Variants in CYBRD1 observed in about 807,000 individuals in gnomAD.
CYBRD1 encodes the protein cytochrome b reductase 1, also known as plasma membrane ascorbate-dependent reductase CYBRD1.
In CYBRD1, 14 loss-of-function variants were observed where a neutral mutation model predicts 21.9. The ratio of observed to expected loss-of-function variants is 0.64; its 90% CI spans 0.42 to 1.00. The LOEUF (loss-of-function observed/expected upper bound fraction) is 1.00. CYBRD1 is among the 50% of genes least tolerant of loss of function. The pLI, the probability that CYBRD1 is intolerant of heterozygous loss-of-function variation, is 0.00. For synonymous variants in CYBRD1, 146 were observed against 136.5 expected (o/e 1.07, Z -0.48); for missense variants, 328 against 352.5 (o/e 0.93, Z 0.56).
At chr2:171,523,536 G>C (rs1697342356) in intron 1 of CYBRD1, among the ~76,000 whole-genome samples, 1 of 152,228 alleles carries the variant, frequency 6.6e-6, no homozygotes, top group South Asian at 2.1e-4. Flanking sequence ...CAGCACTCCG[G>C]GTGGGAGATG....
chr2:171,554,798 G>T lies in CYBRD1; in HGVS notation c.832G>T (p.Asp278Tyr). ...AGCAAGGAAAAGAAACTTAGCTCTG[G>T]ATGAGGCTGGGCAGAGATCTACCAT... ...VAARKRNLAL[D>Y]EAGQRSTM Residue 278 changes from aspartate to tyrosine, a missense_variant, in exon 4 of 4, where the codon GAT (aspartate) becomes TAT (tyrosine). Physicochemically the swap from Asp to Tyr is radical, Grantham distance 160 (BLOSUM62 -3). Coordinates refer to ENST00000321348, the MANE Select transcript of CYBRD1 (RefSeq NM_024843.4). The T allele has an allele frequency of 6.2e-7, 1 of 1,613,288 alleles. No individual in the cohort carries two copies. The highest frequency in any genetic ancestry group is 8.5e-7 in the Non-Finnish European group (1 of 1,179,852).
In CYBRD1 at chr2:171,554,898, G is replaced by GC; in HGVS notation, c.*73dup. ...CTCTACAGTTTTGCTTCTCCTATTA[G>GC]CCATATGATAATTGGGCTATGTAGT... On this transcript the variant is annotated 3_prime_UTR_variant, in exon 4 of 4. Coordinates refer to ENST00000321348, the MANE Select transcript of CYBRD1 (RefSeq NM_024843.4). 2 of 1,495,372 alleles carry GC rather than the reference G, an allele frequency of 1.3e-6. No homozygotes were observed. Among genetic ancestry groups the GC allele is most frequent in the Non-Finnish European group, 1.9e-6 (2 of 1,080,166 alleles). The allele number at this position is 1,495,372 out of a possible 1,614,324, so 92.6% of individuals were successfully genotyped here.
chr2:171,523,038 C>A, intron 1 of CYBRD1: 1 of 427,090 alleles, frequency 2.3e-6, no homozygotes. Flanking sequence ...TAACTCTTTG[C>A]GGCGACTGGC....
chr2:171,538,080 C>G (rs1335608561), intron 1 of CYBRD1, among the ~76,000 whole-genome samples: 1 of 152,178 alleles, frequency 6.6e-6, no homozygotes, highest in East Asian at 1.9e-4. Flanking sequence ...AGTTCAAGAT[C>G]AGCCTGGTCA....
intron 1 of CYBRD1, among the ~76,000 whole-genome samples, chr2:171,528,334 C>T (rs535877597): frequency 6.6e-6 from 1 of 152,308 alleles, no homozygotes; most frequent in East Asian, 1.9e-4. Flanking sequence ...ATCTACCCGC[C>T]TCAGCCTCCC....
intron 1 of CYBRD1, among the ~76,000 whole-genome samples, chr2:171,532,617 C>T (rs953104966): frequency 7.3e-5 from 11 of 151,506 alleles, no homozygotes; most frequent in African/African-American, 2.2e-4. Flanking sequence ...CTGAACATCA[C>T]GGCAAAACCC....
Position 171,541,781 on chromosome 2 carries a change from C to T in CYBRD1, c.390C>T (p.Cys130=). The part of the protein sequence containing the change: ...HSWVGLIAVI[C]YLLQLLSGFS... ...GGGTTGGACTGATAGCTGTCATATG[C>T]TATTTGTTACAGGTCAGTATTTCAG... The change falls in exon 2 of 4, where the codon TGC becomes TGT. Residue 130 remains cysteine (C), a synonymous_variant. Transcript: ENST00000321348. 1.9e-6 allele frequency: 3 copies of T among 1,611,928 alleles called. No individual in the cohort carries two copies. The highest frequency in any genetic ancestry group is 1.1e-5 in the South Asian group (1 of 91,028).
rs1683500283 is a variant in CYBRD1, at chr2:171,557,097, T to A, written c.*2270T>A. On this transcript the variant is annotated 3_prime_UTR_variant, in exon 4 of 4. Transcript: ENST00000321348. ...GCTAATGTGAGGATAATCTTACAGATATTATAGGAATTTCTTTTCTATCTT... is the reference window on the plus strand; with the variant it reads ...GCTAATGTGAGGATAATCTTACAGAAATTATAGGAATTTCTTTTCTATCTT... The A allele has an allele frequency of 1.3e-5, 2 of 152,630 alleles. No individual in the cohort carries two copies. Among genetic ancestry groups the A allele is most frequent in the South Asian group, 4.1e-4 (2 of 4,836 alleles). 9.5% of individuals were successfully genotyped at this position (152,630 alleles called of 1,614,324 possible). A position where few individuals can be genotyped will look rare whatever the true frequency, so the allele number is the denominator to read the frequency against.
intron 1 of CYBRD1, among the ~76,000 whole-genome samples, chr2:171,524,914 T>G (rs1453403883): frequency 6.6e-6 from 1 of 152,244 alleles, no homozygotes; most frequent in Admixed American, 6.5e-5. Context: ...AATTTTCATC[T>G]GCTGCTCTTA....
At position 171,541,673 on chromosome 2, in the gene CYBRD1, C is replaced by T; in HGVS notation, c.282C>T (p.Ala94=). 6.2e-7 allele frequency: 1 copy of T among 1,613,764 alleles called. No individual in the cohort carries two copies. Among genetic ancestry groups the T allele is most frequent in the South Asian group, 1.1e-5 (1 of 91,054 alleles). Residue 94 remains alanine, a synonymous_variant, in exon 2 of 4, where the codon GCC becomes GCT. Coordinates refer to ENST00000321348, the MANE Select transcript of CYBRD1 (RefSeq NM_024843.4). ...SIHAGLNAVA[A]ILAIISVVAV... is the part of the protein sequence containing the mutation. ...ATGCAGGGTTAAATGCAGTTGCTGC[C>T]ATTCTTGCAATTATCTCTGTGGTGG...
chr2:171,532,911 G>GTATA (rs1553561150), intron 1 of CYBRD1, among the ~76,000 whole-genome samples: 82 of 146,630 alleles, frequency 5.6e-4, no homozygotes, highest in African/African-American at 2.0e-3. Context: ...GTGTGTGTGT[G>GTATA]TATGGAAACA....
rs57266656 is a variant in CYBRD1 at position 171,548,645 on chromosome 2, TAAAA to T, written c.403-4683_403-4680del. Among the ~76,000 whole-genome samples the T allele has an allele frequency of 3.5e-3, 316 of 89,962 alleles. 4 individuals carry two copies. Among genetic ancestry groups the T allele is most frequent in the African/African-American group, 0.014 (302 of 22,166 alleles). 59.0% of individuals were successfully genotyped at this position (89,962 alleles called of 152,430 possible). ...AAGCTCATTAAATCTACCTGTACCC[TAAAA>T]AAAAAAAAAAAAAAAAAGCAAACCA... On this transcript the variant is annotated intron_variant, in intron 2 of 3. Coordinates refer to ENST00000321348, the MANE Select transcript of CYBRD1 (RefSeq NM_024843.4).
intron 3 of CYBRD1, among the ~76,000 whole-genome samples, chr2:171,554,056 T>C (rs1011255726): frequency 1.3e-5 from 2 of 152,196 alleles, no homozygotes; most frequent in African/African-American, 4.8e-5. Context: ...CAGTTGGTGT[T>C]CACTGCATGT....
At chr2:171,532,343 A>T (rs1181737213) in intron 1 of CYBRD1, among the ~76,000 whole-genome samples, 2 of 152,370 alleles carry the variant, frequency 1.3e-5, no homozygotes, top group East Asian at 3.9e-4. Context: ...ATTCCAGTGT[A>T]CTTCAAACTC....
intron 2 of CYBRD1, among the ~76,000 whole-genome samples, chr2:171,548,645 T>TAAAAAAAAA (rs57266656): frequency 1.1e-5 from 1 of 89,968 alleles, no homozygotes; most frequent in African/African-American, 4.5e-5. Flanking sequence ...ACCTGTACCC[T>TAAAAAAAAA]AAAAAAAAAA....
At chr2:171,523,263 A>C (rs1241718332) in intron 1 of CYBRD1, 1 of 432,870 alleles carries the variant, frequency 2.3e-6, no homozygotes, top group South Asian at 1.7e-5. Flanking sequence ...AGCGGGGAAA[A>C]GATTGCCGGA....
chr2:171,524,940 T>C (rs941644069), intron 1 of CYBRD1, among the ~76,000 whole-genome samples: 1 of 152,210 alleles, frequency 6.6e-6, no homozygotes, highest in African/African-American at 2.4e-5. Context: ...ATCTTGTTTC[T>C]TTTTTTCTTT....
At chr2:171,538,755 G>T (rs1697583007) in intron 1 of CYBRD1, among the ~76,000 whole-genome samples, 1 of 152,150 alleles carries the variant, frequency 6.6e-6, no homozygotes, top group Non-Finnish European at 1.5e-5. Flanking sequence ...AAAAGGAATA[G>T]ATAATCCCTT....
intron 1 of CYBRD1, chr2:171,523,064 G>A: frequency 2.7e-6 from 1 of 376,628 alleles, no homozygotes; most frequent in South Asian, 2.4e-5. Context: ...CGCACTGGAG[G>A]GGCCTCCAAG....
Sources: gnomAD v4.1 joint callset for allele counts (sites outside exome capture counted in the v4.1 genomes callset) on GRCh38, gnomAD v4.1.1 for gene constraint, MANE v1.5 for transcripts, NCBI Gene and HGNC (gene_info 2026-07-23, HGNC 2026-07-21) for gene names.